DRC11: variants seen among roughly 807,000 people sequenced by gnomAD.
DRC11 encodes dynein regulatory complex subunit 11.
chr2:236,310,878 G>A, the DRC11 span, among the ~76,000 whole-genome samples: 1 of 152,212 alleles, frequency 6.6e-6, no homozygotes, highest in Non-Finnish European at 1.5e-5. This position sits in a 1 kb window ranked among gnomAD's most constrained non-coding sequence, Gnocchi z 5.5. Flanking sequence ...GTGGCTCACT[G>A]TTTTATATAA....
the DRC11 span, among the ~76,000 whole-genome samples, chr2:236,327,876 T>C: frequency 6.6e-6 from 1 of 152,158 alleles, no homozygotes; most frequent in Non-Finnish European, 1.5e-5. Flanking sequence ...GAGACGGAGT[T>C]TCTCCATGTT....
the DRC11 span, among the ~76,000 whole-genome samples, chr2:236,395,794 G>T: frequency 2.6e-5 from 4 of 152,136 alleles, no homozygotes; most frequent in African/African-American, 9.7e-5. Flanking sequence ...TTCTGCAATA[G>T]CAGCACCTAC....
At chr2:236,385,032 G>GT in the DRC11 span, among the ~76,000 whole-genome samples, 1 of 152,002 alleles carries the variant, frequency 6.6e-6, no homozygotes, top group African/African-American at 2.4e-5. Flanking sequence ...CTCTGTTTTG[G>GT]TATCAGTACC....
At chr2:236,441,854 C>G in the DRC11 span, among the ~76,000 whole-genome samples, 12 of 152,168 alleles carry the variant, frequency 7.9e-5, no homozygotes, top group Non-Finnish European at 1.5e-4. Flanking sequence ...CTTTTGGCCT[C>G]AGAAGCCCTT....
the DRC11 span, among the ~76,000 whole-genome samples, chr2:236,423,321 C>G: frequency 2.0e-5 from 3 of 151,960 alleles, no homozygotes; most frequent in Admixed American, 2.0e-4. Flanking sequence ...GGGCTAATAT[C>G]CAGAATCTAC....
the DRC11 span, among the ~76,000 whole-genome samples, chr2:236,361,876 TTAACTA>T: frequency 1.1e-4 from 16 of 152,314 alleles, no homozygotes; most frequent in African/African-American, 3.6e-4. This position sits in a 1 kb window ranked among gnomAD's most constrained non-coding sequence, Gnocchi z 5.7. Flanking sequence ...GAAATGCACT[TTAACTA>T]TAAAGACATA....
chr2:236,415,834 T>A, the DRC11 span, among the ~76,000 whole-genome samples: 1 of 152,214 alleles, frequency 6.6e-6, no homozygotes, highest in African/African-American at 2.4e-5. The surrounding 1 kb of genome is among the most constrained non-coding windows in gnomAD (Gnocchi z 5.7). Flanking sequence ...AATTTTTAAT[T>A]TGCAAGTATA....
the DRC11 span, among the ~76,000 whole-genome samples, chr2:236,314,402 C>G: frequency 2.0e-5 from 3 of 152,120 alleles, no homozygotes; most frequent in Non-Finnish European, 4.4e-5. The surrounding 1 kb of genome is among the most constrained non-coding windows in gnomAD (Gnocchi z 4.5). Context: ...CTGCTGAAGT[C>G]TGAAACAAGG....
At chr2:236,309,416 G>A in the DRC11 span, among the ~76,000 whole-genome samples, 24 of 152,184 alleles carry the variant, frequency 1.6e-4, no homozygotes, top group South Asian at 4.2e-4. The surrounding 1 kb of genome is among the most constrained non-coding windows in gnomAD (Gnocchi z 5.7). Flanking sequence ...GAGACATCCC[G>A]TTTACTCACA....
At chr2:236,343,231 C>T in the DRC11 span, among the ~76,000 whole-genome samples, 35 of 152,244 alleles carry the variant, frequency 2.3e-4, no homozygotes, top group Non-Finnish European at 4.6e-4. This position sits in a 1 kb window ranked among gnomAD's most constrained non-coding sequence, Gnocchi z 6.6. Context: ...CAGAGGCCCC[C>T]TCTCAGCGCT....
the DRC11 span, among the ~76,000 whole-genome samples, chr2:236,486,551 C>T: frequency 6.6e-6 from 1 of 151,830 alleles, no homozygotes; most frequent in Non-Finnish European, 1.5e-5. This position sits in a 1 kb window ranked among gnomAD's most constrained non-coding sequence, Gnocchi z 5.7. Context: ...TAGTGGTGTG[C>T]ACTGCTGACA....
At chr2:236,469,080 T>C in the DRC11 span, among the ~76,000 whole-genome samples, 1 of 152,266 alleles carries the variant, frequency 6.6e-6, no homozygotes, top group Non-Finnish European at 1.5e-5. The surrounding 1 kb of genome is among the most constrained non-coding windows in gnomAD (Gnocchi z 5.8). Flanking sequence ...CCACAATCCA[T>C]GAGTGCAACA....
At chr2:236,380,951 T>G in the DRC11 span, among the ~76,000 whole-genome samples, 255 of 152,234 alleles carry the variant, frequency 1.7e-3, no homozygotes, top group African/African-American at 6.0e-3. This position sits in a 1 kb window ranked among gnomAD's most constrained non-coding sequence, Gnocchi z 4.9. Flanking sequence ...AGGATGAGAG[T>G]GCCGTGTGCA....
the DRC11 span, among the ~76,000 whole-genome samples, chr2:236,325,598 CTTTT>C: frequency 7.0e-6 from 1 of 142,154 alleles, no homozygotes; most frequent in Non-Finnish European, 1.5e-5. The surrounding 1 kb of genome is among the most constrained non-coding windows in gnomAD (Gnocchi z 4.4). Flanking sequence ...CTTTGTATGT[CTTTT>C]TTTTTTTTTT....
the DRC11 span, among the ~76,000 whole-genome samples, chr2:236,499,217 G>A: frequency 6.6e-6 from 1 of 152,078 alleles, no homozygotes; most frequent in Admixed American, 6.5e-5. The surrounding 1 kb of genome is among the most constrained non-coding windows in gnomAD (Gnocchi z 4.7). Flanking sequence ...TGCTCTCTGG[G>A]GTGTACAAGT....
the DRC11 span, among the ~76,000 whole-genome samples, chr2:236,389,271 C>T: frequency 6.6e-6 from 1 of 152,220 alleles, no homozygotes; most frequent in African/African-American, 2.4e-5. Flanking sequence ...CTCGCTGCCG[C>T]CTTGCAGTTT....
At chr2:236,324,677 TTC>T in the DRC11 span, 3 of 1,484,584 alleles carry the variant, frequency 2.0e-6, no homozygotes, top group African/African-American at 1.4e-5. This position sits in a 1 kb window ranked among gnomAD's most constrained non-coding sequence, Gnocchi z 5.7. Context: ...TTTTGCCTTT[TTC>T]TCTTTCTTTT....
At chr2:236,410,167 T>C in the DRC11 span, among the ~76,000 whole-genome samples, 2 of 151,764 alleles carry the variant, frequency 1.3e-5, no homozygotes, top group Middle Eastern at 3.4e-3. Context: ...TTGATTGGAA[T>C]AGTTTCAGAA....
the DRC11 span, among the ~76,000 whole-genome samples, chr2:236,423,351 A>T: frequency 6.6e-6 from 1 of 152,154 alleles, no homozygotes; most frequent in Non-Finnish European, 1.5e-5. Flanking sequence ...AAACAAATTT[A>T]CAAGAAAAAA....
Sources: gnomAD v4.1 joint callset for allele counts (sites outside exome capture counted in the v4.1 genomes callset) on GRCh38, gnomAD v4.1.1 for gene constraint, Gnocchi (gnomAD v3.1) non-coding constraint, MANE v1.5 for transcripts, NCBI Gene and HGNC (gene_info 2026-07-23, HGNC 2026-07-21) for gene names.